Variants in PKP4 observed in about 807,000 individuals in gnomAD.
The protein encoded by PKP4 is plakophilin 4.
In PKP4, 90 loss-of-function variants were observed where a neutral mutation model predicts 145.1. That is an observed-to-expected ratio of 0.62 (90% CI 0.52 to 0.74). PKP4 has a LOEUF of 0.74. Among genes scored for constraint, PKP4 ranks in the 30% least tolerant of loss-of-function variants. The probability of loss-of-function intolerance (pLI) is 0.00; values close to 1 mark genes in which losing one functional copy is unlikely to be tolerated. For synonymous variants in PKP4, 563 were observed against 577.2 expected (o/e 0.98, Z 0.35); for missense variants, 1,340 against 1,482.7 (o/e 0.90, Z 1.58).
At chr2:158,546,987 A>G (rs939314116) in intron 2 of PKP4, among the ~76,000 whole-genome samples, 1 of 152,204 alleles carries the variant, frequency 6.6e-6, no homozygotes, top group African/African-American at 2.4e-5. Context: ...GGAGCAAACT[A>G]TAGCCTACAG....
chr2:158,598,751 A>C (rs2049985839), intron 3 of PKP4, among the ~76,000 whole-genome samples: 1 of 152,218 alleles, frequency 6.6e-6, no homozygotes, highest in African/African-American at 2.4e-5. Flanking sequence ...CCTGGGCGAG[A>C]GCAAGACTCC....
intron 4 of PKP4, among the ~76,000 whole-genome samples, chr2:158,610,267 A>G (rs921528026): frequency 1.3e-5 from 2 of 152,252 alleles, no homozygotes; most frequent in Admixed American, 6.5e-5. Flanking sequence ...TTCTGTTTCC[A>G]TAATATTAGT....
At chr2:158,559,763 C>T (rs1041838037) in intron 2 of PKP4, among the ~76,000 whole-genome samples, 14 of 152,124 alleles carry the variant, frequency 9.2e-5, no homozygotes, top group African/African-American at 3.4e-4. Flanking sequence ...AAAGGAATTT[C>T]TTAAAAGAGT....
intron 1 of PKP4, among the ~76,000 whole-genome samples, chr2:158,459,925 T>G (rs955580295): frequency 3.3e-5 from 5 of 152,148 alleles, no homozygotes; most frequent in Non-Finnish European, 4.4e-5. Flanking sequence ...AGTGGAAGTT[T>G]TTCAACTAGT....
intron 4 of PKP4, among the ~76,000 whole-genome samples, chr2:158,612,966 A>G (rs1296733101): frequency 6.6e-6 from 1 of 152,144 alleles, no homozygotes; most frequent in Non-Finnish European, 1.5e-5. Flanking sequence ...ACATTTTTCT[A>G]TCATGAAAAA....
chr2:158,652,871 A>G (rs2055519938), intron 11 of PKP4, among the ~76,000 whole-genome samples: 2 of 152,118 alleles, frequency 1.3e-5, no homozygotes, highest in Non-Finnish European at 2.9e-5. Flanking sequence ...AGACCTTAGC[A>G]TCCATTATCT....
At chr2:158,493,951 T>TG (rs1695317392) in intron 1 of PKP4, among the ~76,000 whole-genome samples, 1 of 152,198 alleles carries the variant, frequency 6.6e-6, no homozygotes, top group Admixed American at 6.5e-5. Context: ...TCTTGGTCTT[T>TG]GGGGAAGAAA....
chr2:158,540,891 A>G (rs1172056127), intron 2 of PKP4, among the ~76,000 whole-genome samples: 1 of 152,182 alleles, frequency 6.6e-6, no homozygotes, highest in African/African-American at 2.4e-5. Context: ...ATGACTTTAT[A>G]CCTTTAAAAT....
intron 2 of PKP4, among the ~76,000 whole-genome samples, chr2:158,535,547 C>A: frequency 6.6e-6 from 1 of 152,054 alleles, no homozygotes; most frequent in East Asian, 1.9e-4. Context: ...GTAGCTAGGA[C>A]TACAGGTGTG....
At position 158,642,647 on chromosome 2, in the gene PKP4, G is replaced by T; in HGVS notation, c.1857G>T (p.Leu619Phe). ...AMKNVGGIPALLRLLRKSIDA... is the reference protein window; with the variant it reads ...AMKNVGGIPAFLRLLRKSIDA... Reference sequence around the variant, plus strand: ...AGAATGTTGGTGGGATACCTGCCTTGTTGCGACTGTTGAGAAAATCTATTG... The same window carrying T: ...AGAATGTTGGTGGGATACCTGCCTTTTTGCGACTGTTGAGAAAATCTATTG... The change falls in exon 11 of 22, where the codon TTG becomes TTT. Residue 619 changes from leucine (L) to phenylalanine (F), a missense_variant. By Grantham distance (22) the Leu-to-Phe change is conservative. Coordinates refer to ENST00000389759, the MANE Select transcript of PKP4 (RefSeq NM_003628.6). 1 of 1,611,662 alleles carries T rather than the reference G, an allele frequency of 6.2e-7. No individual in the cohort carries two copies. The highest frequency in any genetic ancestry group is 1.1e-5 in the South Asian group (1 of 90,804).
intron 7 of PKP4, among the ~76,000 whole-genome samples, chr2:158,626,582 A>G (rs1220862863): frequency 1.3e-5 from 2 of 152,224 alleles, no homozygotes; most frequent in African/African-American, 4.8e-5. Flanking sequence ...ATTACGTAGA[A>G]TTGCCTTCTA....
At chr2:158,614,985 A>G (rs1300611450) in intron 4 of PKP4, among the ~76,000 whole-genome samples, 1 of 151,442 alleles carries the variant, frequency 6.6e-6, no homozygotes, top group African/African-American at 2.4e-5. Flanking sequence ...GTTAGTCTGC[A>G]TGTGGCTTTA....
At chr2:158,457,546 G>A (rs1688989126) in intron 1 of PKP4, 1 of 152,304 alleles carries the variant, frequency 6.6e-6, no homozygotes, top group African/African-American at 2.4e-5. Flanking sequence ...AGAGCTCCCA[G>A]CCCCGAACTT....
At chr2:158,592,477 CAAG>C (rs1414282996) in intron 3 of PKP4, among the ~76,000 whole-genome samples, 2 of 152,038 alleles carry the variant, frequency 1.3e-5, no homozygotes, top group Non-Finnish European at 2.9e-5. Flanking sequence ...GTCCATGAAT[CAAG>C]AGCTGAAAAT....
intron 13 of PKP4, chr2:158,661,893 C>G (rs551730694): frequency 1.9e-4 from 30 of 160,458 alleles, no homozygotes; most frequent in Non-Finnish European, 3.0e-4. Context: ...TGTTGCACCT[C>G]TCTACACCCC....
intron 1 of PKP4, chr2:158,457,745 C>G (rs560639863): frequency 6.5e-6 from 1 of 154,148 alleles, no homozygotes; most frequent in African/African-American, 2.4e-5. Context: ...CCCTGCTGCC[C>G]GCGCGGTCTT....
chr2:158,522,419 C>A (rs989384722), intron 1 of PKP4, among the ~76,000 whole-genome samples: 5 of 151,410 alleles, frequency 3.3e-5, no homozygotes, highest in Non-Finnish European at 5.9e-5. Flanking sequence ...CTGTTAATCA[C>A]TGATAGTTGA....
intron 20 of PKP4, among the ~76,000 whole-genome samples, chr2:158,678,013 C>CAATT (rs1464398785): frequency 2.0e-5 from 3 of 151,966 alleles, no homozygotes; most frequent in Non-Finnish European, 4.4e-5. Context: ...CTTTTGAAGA[C>CAATT]AATTATCTCA....
At chr2:158,468,193 C>T (rs1408210108) in intron 1 of PKP4, among the ~76,000 whole-genome samples, 3 of 152,204 alleles carry the variant, frequency 2.0e-5, no homozygotes, top group African/African-American at 7.2e-5. Flanking sequence ...ACATTATGCA[C>T]TGAATTATCT....
Sources: allele counts gnomAD v4.1 joint callset (sites outside exome capture counted in the v4.1 genomes callset), GRCh38; gene constraint gnomAD v4.1.1; transcripts MANE v1.5; gene names NCBI Gene and HGNC (gene_info 2026-07-23, HGNC 2026-07-21).